The following KCNQ3 variants were observed in gnomAD, a reference collection of about 807,000 sequenced individuals.
KCNQ3 encodes the protein potassium voltage-gated channel subfamily KQT member 3.
In KCNQ3, 30 loss-of-function variants were observed where a neutral mutation model predicts 92.5. That is an observed-to-expected ratio of 0.32 (90% CI 0.24 to 0.44). The LOEUF (loss-of-function observed/expected upper bound fraction) is 0.44. KCNQ3 is among the 20% of genes least tolerant of loss of function. KCNQ3 has a pLI of 1.00. For missense variants in KCNQ3, 913 were observed against 1,140.3 expected (o/e 0.80, Z 2.87); for synonymous variants, 450 against 468.8 (o/e 0.96, Z 0.52).
intron 1 of KCNQ3, among the ~76,000 whole-genome samples, chr8:132,325,723 C>T (rs769244072): frequency 1.1e-4 from 16 of 152,138 alleles, no homozygotes; most frequent in African/African-American, 3.6e-4. Flanking sequence ...AATACATTCC[C>T]GTTGTTGAAA....
In KCNQ3 at chr8:132,127,431, T is replaced by C. The variant is rs1371523925; in HGVS notation, c.*1831A>G. 1 of 152,206 alleles carries C rather than the reference T, an allele frequency of 6.6e-6. No individual in the cohort carries two copies. Among genetic ancestry groups the C allele is most frequent in the Non-Finnish European group, 1.5e-5 (1 of 68,034 alleles). The allele number at this position is 152,206 out of a possible 1,614,324, so 9.4% of individuals were successfully genotyped here. On this transcript the variant is annotated 3_prime_UTR_variant, in exon 15 of 15. Transcript: ENST00000388996. ...ACTGTATTCTGAGCTTTTTGTACAG[T>C]AACTGTTGACATGTGAGTTGAAAGG... is the stretch of plus-strand genomic sequence containing the variant.
At chr8:132,359,696 A>C (rs1217595689) in intron 1 of KCNQ3, among the ~76,000 whole-genome samples, 1 of 152,190 alleles carries the variant, frequency 6.6e-6, no homozygotes, top group Non-Finnish European at 1.5e-5. Flanking sequence ...AGAAACTAGT[A>C]ATGATGACAT....
At chr8:132,383,227 C>T (rs1183725019) in intron 1 of KCNQ3, among the ~76,000 whole-genome samples, 1 of 152,206 alleles carries the variant, frequency 6.6e-6, no homozygotes. Flanking sequence ...ACAGAAGGCA[C>T]AGGTTACAGA....
intron 1 of KCNQ3, among the ~76,000 whole-genome samples, chr8:132,379,361 C>G (rs930749841): frequency 1.3e-5 from 2 of 151,610 alleles, no homozygotes; most frequent in Non-Finnish European, 2.9e-5. Context: ...AATGATGTAA[C>G]AACAAAATGG....
At chr8:132,420,369 A>G (rs990634964) in intron 1 of KCNQ3, among the ~76,000 whole-genome samples, 6 of 152,298 alleles carry the variant, frequency 3.9e-5, no homozygotes, top group Admixed American at 6.5e-5. Context: ...TGTGCCTTAG[A>G]AAACATCACT....
chr8:132,130,011 G>A lies in KCNQ3; in HGVS notation c.1885-15C>T. ...ATGTCCTGAACCTGGAAAATCAAAG[G>A]AGCTGTGAATTACCACTTTCTCTGA... is the stretch of plus-strand genomic sequence containing the variant. On this transcript the variant is annotated splice_polypyrimidine_tract_variant and intron_variant, in intron 14 of 14. Transcript: ENST00000388996. 6.2e-7 allele frequency: 1 copy of A among 1,612,162 alleles called. No homozygotes were observed. Among genetic ancestry groups the A allele is most frequent in the Non-Finnish European group, 8.5e-7 (1 of 1,179,984 alleles).
At chr8:132,188,531 T>C (rs1035270983) in intron 1 of KCNQ3, among the ~76,000 whole-genome samples, 6 of 152,212 alleles carry the variant, frequency 3.9e-5, no homozygotes, top group Admixed American at 3.9e-4. Context: ...GTAAAATGAA[T>C]CCAATTAAAT....
intron 1 of KCNQ3, among the ~76,000 whole-genome samples, chr8:132,213,635 C>T (rs1813936980): frequency 6.6e-6 from 1 of 152,212 alleles, no homozygotes; most frequent in South Asian, 2.1e-4. Flanking sequence ...TCCTCCCTGG[C>T]TCAAAGGCCA....
chr8:132,477,740 T>C (rs781327795), intron 1 of KCNQ3, among the ~76,000 whole-genome samples: 11 of 152,206 alleles, frequency 7.2e-5, no homozygotes, highest in Non-Finnish European at 1.6e-4. Flanking sequence ...TAAACTCTCA[T>C]TTCTAGCAAT....
chr8:132,368,679 A>T (rs939644580), intron 1 of KCNQ3, among the ~76,000 whole-genome samples: 6 of 152,142 alleles, frequency 3.9e-5, no homozygotes, highest in Non-Finnish European at 1.5e-5. Flanking sequence ...AAAGAAAAAT[A>T]TTTTAAAAAG....
rs1412085003 is a variant in KCNQ3 at position 132,155,847 on chromosome 8, C to T, written c.1262+7621G>A. The stretch of plus-strand genomic sequence containing the variant: ...TGGGGAAGGGGAAGGACAGATAAAG[C>T]AAGGAGGAAGCAGGATTGTGATTGG... On this transcript the variant is annotated intron_variant, in intron 9 of 14. Transcript: ENST00000388996. Among the ~76,000 whole-genome samples the T allele has an allele frequency of 2.0e-5, 3 of 152,082 alleles. No individual in the cohort carries two copies. In the East Asian group the frequency reaches 5.8e-4, roughly 29 times the overall value.
intron 1 of KCNQ3, among the ~76,000 whole-genome samples, chr8:132,343,113 T>C (rs1358138364): frequency 6.6e-6 from 1 of 152,258 alleles, no homozygotes; most frequent in African/African-American, 2.4e-5. Flanking sequence ...GTGTAAGGAC[T>C]GCTGGGACTG....
At chr8:132,170,817 G>A in intron 7 of KCNQ3, among the ~76,000 whole-genome samples, 1 of 148,910 alleles carries the variant, frequency 6.7e-6, no homozygotes, top group Non-Finnish European at 1.5e-5. Flanking sequence ...TTGGAGACCA[G>A]CCTGGGCAAC....
chr8:132,308,412 A>T (rs1817495206), intron 1 of KCNQ3, among the ~76,000 whole-genome samples: 1 of 152,218 alleles, frequency 6.6e-6, no homozygotes, highest in Admixed American at 6.5e-5. Context: ...AGAAGATAAC[A>T]AACTCAGCCT....
At chr8:132,206,991 T>C (rs530936950) in intron 1 of KCNQ3, among the ~76,000 whole-genome samples, 1 of 152,298 alleles carries the variant, frequency 6.6e-6, no homozygotes, top group South Asian at 2.1e-4. Flanking sequence ...TTCAAAACAA[T>C]CATGTTTAAT....
chr8:132,264,619 C>T (rs551534952), intron 1 of KCNQ3, among the ~76,000 whole-genome samples: 1 of 152,152 alleles, frequency 6.6e-6, no homozygotes, highest in Admixed American at 6.5e-5. Context: ...GCCAGGAGTC[C>T]CACCCTAGAA....
chr8:132,209,084 C>T (rs996512892), intron 1 of KCNQ3, among the ~76,000 whole-genome samples: 6 of 152,162 alleles, frequency 3.9e-5, no homozygotes, highest in Non-Finnish European at 8.8e-5. Flanking sequence ...CCCCTTCTCA[C>T]AGACTGTTTA....
intron 4 of KCNQ3, 24 bp downstream of exon 4, chr8:132,180,133 C>T: frequency 6.2e-7 from 1 of 1,613,420 alleles, no homozygotes. Flanking sequence ...CCATGTGGTC[C>T]TGCAGTTTCT....
Position 132,137,968 on chromosome 8 carries a change from C to T in KCNQ3, c.1617G>A (p.Arg539=), listed in dbSNP as rs140607300. 8 of 1,613,068 alleles carry T rather than the reference C, an allele frequency of 5.0e-6. No homozygotes were observed. In the African/African-American group the frequency reaches 9.3e-5, roughly 19 times the overall value. ...CAATCACATCCTTCACATCGTAAGGCCTCAAAGTCTCCTTGAATTTTTTTT... is the reference window on the plus strand; with the variant it reads ...CAATCACATCCTTCACATCGTAAGGTCTCAAAGTCTCCTTGAATTTTTTTT... ...LYKKKFKETL[R]PYDVKDVIEQ... Residue 539 remains arginine, a synonymous_variant, in exon 12 of 15, where the codon AGG becomes AGA. Coordinates refer to ENST00000388996, the MANE Select transcript of KCNQ3 (RefSeq NM_004519.4).
Sources: allele counts gnomAD v4.1 joint callset (sites outside exome capture counted in the v4.1 genomes callset), GRCh38; gene constraint gnomAD v4.1.1; transcripts MANE v1.5; gene names NCBI Gene and HGNC (gene_info 2026-07-23, HGNC 2026-07-21).